KHDRBS3: variants seen among roughly 807,000 people sequenced by gnomAD.
KHDRBS3 encodes KH domain-containing, RNA-binding, signal transduction-associated protein 3.
In KHDRBS3, 23 loss-of-function variants were observed where a neutral mutation model predicts 45.6. The observed-to-expected ratio is 0.50, with a 90% CI of 0.36 to 0.72. The LOEUF (loss-of-function observed/expected upper bound fraction) is 0.72. Among genes scored for constraint, KHDRBS3 ranks in the 30% least tolerant of loss-of-function variants. KHDRBS3 has a pLI of 0.00. For synonymous variants in KHDRBS3, 162 were observed against 156.5 expected, an observed-to-expected ratio of 1.04 and a Z score of -0.26; for missense variants, 352 against 424.8, an observed-to-expected ratio of 0.83 and a Z score of 1.51.
chr8:135,571,967 C>G (rs1412614508), intron 5 of KHDRBS3, among the ~76,000 whole-genome samples: 6 of 152,078 alleles, frequency 3.9e-5, no homozygotes, highest in Admixed American at 3.9e-4. Context: ...TTTGATTACT[C>G]AAAATAATTC....
intron 3 of KHDRBS3, among the ~76,000 whole-genome samples, chr8:135,547,004 G>C (rs969601206): frequency 3.9e-5 from 6 of 151,992 alleles, no homozygotes; most frequent in African/African-American, 1.5e-4. Context: ...TCATTATTTT[G>C]ATACTCTATT....
chr8:135,578,688 TGTC>T lies in KHDRBS3; in HGVS notation c.612-3189_612-3187del, dbSNP rs1342326008. The stretch of plus-strand genomic sequence containing the variant: ...ATTGTTTTTCTTGTCAGTATTGTGT[TGTC>T]TGTTCTGGGTCTTTTGCCTTTCCAT... On this transcript the variant is annotated intron_variant, in intron 5 of 8. Coordinates refer to ENST00000355849, the MANE Select transcript of KHDRBS3 (RefSeq NM_006558.3). 5.3e-5 allele frequency among the ~76,000 whole-genome samples: 8 copies of T among 152,202 alleles called. No homozygotes were observed. The East Asian group carries it at 1.5e-3, about 29-fold the overall frequency.
chr8:135,471,171 TTAGG>T (rs112602384), intron 1 of KHDRBS3, among the ~76,000 whole-genome samples: 19 of 152,230 alleles, frequency 1.2e-4, no homozygotes, highest in African/African-American at 3.6e-4. Context: ...CTCACCTGTC[TTAGG>T]TAGGGCACCA....
At chr8:135,535,252 T>A (rs977909488) in intron 2 of KHDRBS3, among the ~76,000 whole-genome samples, 1 of 143,760 alleles carries the variant, frequency 7.0e-6, no homozygotes, top group African/African-American at 2.5e-5. Flanking sequence ...AGTTAAACTA[T>A]ATATAAACTA....
downstream of KHDRBS3, chr8:135,647,620 T>C (rs1329514181): frequency 6.6e-6 from 1 of 152,642 alleles, no homozygotes; most frequent in African/African-American, 2.4e-5. Flanking sequence ...ATTTTGTGTG[T>C]GTGAGCTAAC....
At chr8:135,518,688 C>G (rs558145620) in intron 1 of KHDRBS3, among the ~76,000 whole-genome samples, 1 of 152,110 alleles carries the variant, frequency 6.6e-6, no homozygotes, top group Admixed American at 6.5e-5. Flanking sequence ...TTGTTATACC[C>G]GGAGCAGCTG....
chr8:135,548,987 C>A, intron 4 of KHDRBS3, 87 bp downstream of exon 4: 1 of 898,946 alleles, frequency 1.1e-6, no homozygotes, highest in Non-Finnish European at 1.6e-6. Context: ...CTGTTATTTG[C>A]ATAGCTCCTT....
intron 1 of KHDRBS3, among the ~76,000 whole-genome samples, chr8:135,497,224 C>T (rs1280679407): frequency 6.6e-6 from 1 of 152,186 alleles, no homozygotes; most frequent in Non-Finnish European, 1.5e-5. Flanking sequence ...TTGAATATCC[C>T]CACTTCATTC....
chr8:135,467,668 G>C (rs914208941), intron 1 of KHDRBS3, among the ~76,000 whole-genome samples: 1 of 152,236 alleles, frequency 6.6e-6, no homozygotes, highest in Admixed American at 6.5e-5. Flanking sequence ...GAATGCCACC[G>C]AGGTGATGGT....
intron 1 of KHDRBS3, among the ~76,000 whole-genome samples, chr8:135,481,329 A>G (rs1358612766): frequency 6.8e-6 from 1 of 146,460 alleles, no homozygotes; most frequent in Non-Finnish European, 1.5e-5. Context: ...ATCAACTCAT[A>G]TTCTTATGGA....
chr8:135,499,927 T>G (rs1272002715), intron 1 of KHDRBS3, among the ~76,000 whole-genome samples: 2 of 152,216 alleles, frequency 1.3e-5, no homozygotes, highest in Admixed American at 1.3e-4. Flanking sequence ...GAAGTTGTTT[T>G]GAGACATTTA....
chr8:135,645,087 G>A lies in KHDRBS3; in HGVS notation c.919G>A (p.Gly307Arg). The change falls in exon 8 of 9, where the codon GGA becomes AGA. Residue 307 changes from glycine (G) to arginine (R), a missense_variant. Around this residue, in one of 6 missense-constraint regions of KHDRBS3, gnomAD observed 212 missense variants for 209.6 expected, o/e 1.01. Transcript: ENST00000355849. Reference protein sequence around the residue: ...SGADYYDYGHGLSEETYDSYG... With the variant: ...SGADYYDYGHRLSEETYDSYG... ...TGCTGATTACTATGATTACGGACAT[G>A]GACTCAGTGAGGAGACTTATGATTC... 1 of 1,613,588 alleles carries A rather than the reference G, an allele frequency of 6.2e-7. No individual in the cohort carries two copies.
chr8:135,457,825 G>T lies in KHDRBS3; in HGVS notation c.-42G>T. On this transcript the variant is annotated 5_prime_UTR_variant, in exon 1 of 9. Coordinates refer to ENST00000355849, the MANE Select transcript of KHDRBS3 (RefSeq NM_006558.3). The surrounding 1 kb of genome is among the most constrained non-coding windows in gnomAD (Gnocchi z 4.4). ...CGGGGGTTGCCGGGCGCCGCCCCCC[G>T]TGCGCCTGGAGTCCACATCCCGGGC... 7.2e-7 allele frequency: 1 copy of T among 1,388,520 alleles called. No individual in the cohort carries two copies. The highest frequency in any genetic ancestry group is 1.5e-5 in the African/African-American group (1 of 66,414). 86.0% of individuals were successfully genotyped at this position (1,388,520 alleles called of 1,614,324 possible). A position where few individuals can be genotyped will look rare whatever the true frequency, so the allele number is the denominator to read the frequency against.
intron 5 of KHDRBS3, among the ~76,000 whole-genome samples, chr8:135,561,434 G>C (rs1380953234): frequency 1.3e-5 from 2 of 152,118 alleles, no homozygotes; most frequent in African/African-American, 4.8e-5. Context: ...CATGCAGCTA[G>C]TGGTTGGTAG....
intron 2 of KHDRBS3, among the ~76,000 whole-genome samples, chr8:135,523,490 T>C (rs1350626872): frequency 6.6e-6 from 1 of 152,204 alleles, no homozygotes; most frequent in Non-Finnish European, 1.5e-5. Flanking sequence ...AATTCACTTA[T>C]TCTAGTAAGT....
At chr8:135,545,214 C>G (rs756444568) in intron 3 of KHDRBS3, among the ~76,000 whole-genome samples, 1 of 152,050 alleles carries the variant, frequency 6.6e-6, no homozygotes, top group Non-Finnish European at 1.5e-5. Context: ...TAACATAGCT[C>G]TCTTATTCTC....
chr8:135,644,985 C>T (rs1243864527), intron 7 of KHDRBS3, 74 bp from the exon 8 acceptor site: 6 of 1,485,804 alleles, frequency 4.0e-6, no homozygotes, highest in Non-Finnish European at 5.6e-6. Flanking sequence ...TTAAGTTTTA[C>T]AATACGTTAT....
chr8:135,653,306 C>T (rs1178130964), intron 4 of KHDRBS3, among the ~76,000 whole-genome samples: 1 of 152,152 alleles, frequency 6.6e-6, no homozygotes, highest in Non-Finnish European at 1.5e-5. Flanking sequence ...CTGCCTGGCA[C>T]ATAGACATAG....
At chr8:135,625,772 C>T in intron 7 of KHDRBS3, 2 of 765,850 alleles carry the variant, frequency 2.6e-6, no homozygotes, top group Non-Finnish European at 4.9e-6. Flanking sequence ...TCTGGATGCA[C>T]CCGTGTTCTA....
Sources: gnomAD v4.1 joint callset for allele counts (sites outside exome capture counted in the v4.1 genomes callset) on GRCh38, gnomAD v4.1.1 for gene constraint, gnomAD v4.1.1 regional missense constraint, Gnocchi (gnomAD v3.1) non-coding constraint, MANE v1.5 for transcripts, NCBI Gene and HGNC (gene_info 2026-07-23, HGNC 2026-07-21) for gene names.